The following SMOC1 variants were observed in gnomAD, a reference collection of about 807,000 sequenced individuals.
SMOC1 encodes the protein SPARC-related modular calcium-binding protein 1.
Under a neutral mutation model 56.3 loss-of-function variants are expected in SMOC1, and 22 were observed. The ratio of observed to expected loss-of-function variants is 0.39; its 90% CI spans 0.28 to 0.56. The LOEUF (loss-of-function observed/expected upper bound fraction) is 0.56, where lower values mean the gene tolerates loss of function less well. SMOC1 is among the 20% of genes least tolerant of loss of function. The pLI, the probability that SMOC1 is intolerant of heterozygous loss-of-function variation, is 0.61. For synonymous variants in SMOC1, 193 were observed against 215.0 expected (o/e 0.90, Z 0.89); for missense variants, 509 against 565.4 (o/e 0.90, Z 1.01).
At chr14:69,932,126 T>C (rs1216000761) in intron 1 of SMOC1, among the ~76,000 whole-genome samples, 1 of 152,222 alleles carries the variant, frequency 6.6e-6, no homozygotes, top group East Asian at 1.9e-4. Context: ...GGTGAAGGCA[T>C]GCTCAAGGGA....
chr14:70,023,973 C>T (rs1308795497), intron 11 of SMOC1, among the ~76,000 whole-genome samples: 1 of 152,082 alleles, frequency 6.6e-6, no homozygotes, highest in Non-Finnish European at 1.5e-5. Flanking sequence ...TCATCTCCAT[C>T]CTCAGTCAAC....
At chr14:70,015,686 G>A (rs2139598467) in intron 10 of SMOC1, among the ~76,000 whole-genome samples, 1 of 152,172 alleles carries the variant, frequency 6.6e-6, no homozygotes, top group South Asian at 2.1e-4. Context: ...GGTTCAACAG[G>A]CCCACAGACG....
At chr14:69,998,388 C>T (rs1275377484) in intron 7 of SMOC1, among the ~76,000 whole-genome samples, 1 of 151,894 alleles carries the variant, frequency 6.6e-6, no homozygotes, top group Non-Finnish European at 1.5e-5. Context: ...TGGATGGAGC[C>T]TCTGTTCTGC....
At chr14:69,985,644 A>T (rs1884337639) in intron 5 of SMOC1, among the ~76,000 whole-genome samples, 1 of 152,238 alleles carries the variant, frequency 6.6e-6, no homozygotes, top group South Asian at 2.1e-4. Context: ...GAGTAGTGTG[A>T]TGCAATCTCA....
chr14:70,030,440 C>T lies in SMOC1; in HGVS notation c.*182C>T. ...TGTTTTTGGTTTCATTTTAAAACAC[C>T]AATATCTAATACCACAGTGGGAAAA... On this transcript the variant is annotated 3_prime_UTR_variant, in exon 12 of 12. Coordinates refer to ENST00000361956, the MANE Select transcript of SMOC1 (RefSeq NM_001034852.3). The T allele has an allele frequency of 2.0e-6, 1 of 494,932 alleles. No homozygotes were observed. The highest frequency in any genetic ancestry group is 3.5e-6 in the Non-Finnish European group (1 of 284,962). The allele number at this position is 494,932 out of a possible 1,614,324, so 30.7% of individuals were successfully genotyped here.
chr14:70,029,658 C>G (rs1886066278), intron 11 of SMOC1, among the ~76,000 whole-genome samples: 1 of 152,216 alleles, frequency 6.6e-6, no homozygotes, highest in Admixed American at 6.5e-5. Flanking sequence ...TCACATGTTC[C>G]TGGTTTGTTG....
intron 1 of SMOC1, among the ~76,000 whole-genome samples, chr14:69,905,626 A>C (rs1884387041): frequency 6.6e-6 from 1 of 152,186 alleles, no homozygotes; most frequent in Non-Finnish European, 1.5e-5. Flanking sequence ...CCTAGAGACC[A>C]TGCGCATCTG....
chr14:69,994,602 T>A, intron 7 of SMOC1, 122 bp downstream of exon 7: 1 of 805,624 alleles, frequency 1.2e-6, no homozygotes, highest in Non-Finnish European at 2.1e-6. Flanking sequence ...TCAATTTCTA[T>A]AGCTATAAAA....
intron 6 of SMOC1, among the ~76,000 whole-genome samples, chr14:69,993,819 G>T (rs144527792): frequency 6.6e-6 from 1 of 152,260 alleles, no homozygotes; most frequent in Non-Finnish European, 1.5e-5. Context: ...AGTATGCTCA[G>T]GTCACTTAGG....
At chr14:69,921,041 T>A (rs1189674258) in intron 1 of SMOC1, among the ~76,000 whole-genome samples, 2 of 152,188 alleles carry the variant, frequency 1.3e-5, no homozygotes, top group East Asian at 3.9e-4. Flanking sequence ...CCATAGTTGG[T>A]CGCCCAAAGC....
In SMOC1 at chr14:70,004,829, T is replaced by C. The variant is rs529320835; in HGVS notation, c.665-5925T>C. ...CATATACGCCTGTCTCTGTCTTCTG[T>C]TGGTTCTCTTTCTCTGCAGAACCCT... On this transcript the variant is annotated intron_variant, in intron 7 of 11. Coordinates refer to ENST00000361956, the MANE Select transcript of SMOC1 (RefSeq NM_001034852.3). Among the ~76,000 whole-genome samples, 46 of 152,368 alleles carry C rather than the reference T, an allele frequency of 3.0e-4. No homozygotes were observed. The Middle Eastern group carries it at 0.01, about 34-fold the overall frequency.
chr14:69,955,640 TCTA>T (rs1883156499), intron 3 of SMOC1, among the ~76,000 whole-genome samples: 1 of 152,122 alleles, frequency 6.6e-6, no homozygotes, highest in Non-Finnish European at 1.5e-5. Flanking sequence ...CTACTGTAGT[TCTA>T]CTACTGAAAT....
chr14:70,009,605 CAAGAG>C (rs1179478524), intron 7 of SMOC1, among the ~76,000 whole-genome samples: 1 of 151,800 alleles, frequency 6.6e-6, no homozygotes, highest in Non-Finnish European at 1.5e-5. Flanking sequence ...TCAATTTCTT[CAAGAG>C]AAGAGTTGTA....
intron 3 of SMOC1, among the ~76,000 whole-genome samples, chr14:69,963,699 C>T (rs940927266): frequency 2.6e-5 from 4 of 152,268 alleles, no homozygotes; most frequent in African/African-American, 9.6e-5. Flanking sequence ...CCTACTTTTG[C>T]CTTCCTGTGG....
intron 1 of SMOC1, among the ~76,000 whole-genome samples, chr14:69,898,883 G>A (rs939341958): frequency 1.1e-4 from 16 of 152,042 alleles, no homozygotes; most frequent in Admixed American, 3.9e-4. Flanking sequence ...CAGCCATGAC[G>A]TATTGGGCAA....
At chr14:69,903,082 A>G (rs369953694) in intron 1 of SMOC1, among the ~76,000 whole-genome samples, 1 of 147,828 alleles carries the variant, frequency 6.8e-6, no homozygotes, top group African/African-American at 2.5e-5. Context: ...GCCGCCCATC[A>G]TCTGGGATGT....
intron 4 of SMOC1, 108 bp downstream of exon 4, chr14:69,975,922 C>A (rs1020622109): frequency 1.8e-5 from 14 of 769,932 alleles, no homozygotes; most frequent in African/African-American, 6.9e-5. Flanking sequence ...TGGTGATGAA[C>A]CTTTTTCTAG....
At chr14:69,986,889 C>T (rs1157754998) in intron 5 of SMOC1, among the ~76,000 whole-genome samples, 1 of 152,138 alleles carries the variant, frequency 6.6e-6, no homozygotes, top group Non-Finnish European at 1.5e-5. Flanking sequence ...CCTGACATGC[C>T]CGACCACTTC....
intron 1 of SMOC1, among the ~76,000 whole-genome samples, chr14:69,950,412 G>A (rs1224081611): frequency 3.9e-5 from 6 of 152,164 alleles, no homozygotes; most frequent in Non-Finnish European, 1.5e-5. Flanking sequence ...CTAGAAAAGG[G>A]TCAACAAGTT....
Sources: gnomAD v4.1 joint callset for allele counts (sites outside exome capture counted in the v4.1 genomes callset) on GRCh38, gnomAD v4.1.1 for gene constraint, MANE v1.5 for transcripts, NCBI Gene and HGNC (gene_info 2026-07-23, HGNC 2026-07-21) for gene names.